The following ZDHHC23 variants were observed in gnomAD, a reference collection of about 807,000 sequenced individuals.
ZDHHC23 encodes zDHHC palmitoyltransferase 23.
Under a neutral mutation model 40.2 loss-of-function variants are expected in ZDHHC23, and 41 were observed. The observed-to-expected ratio is 1.02, with a 90% CI of 0.79 to 1.32. The LOEUF is 1.32. Among genes scored for constraint, ZDHHC23 ranks in the 40% most tolerant of loss-of-function variants. The pLI is 0.00. For synonymous variants in ZDHHC23, 204 were observed against 210.2 expected (o/e 0.97, Z 0.26); for missense variants, 471 against 541.5 (o/e 0.87, Z 1.29).
chr3:113,951,799 A>G lies in ZDHHC23; in HGVS notation c.162-1901A>G, dbSNP rs551489972. Among the ~76,000 whole-genome samples the G allele has an allele frequency of 2.0e-5, 3 of 152,182 alleles. No individual in the cohort carries two copies. In the East Asian group the frequency reaches 5.8e-4, roughly 29 times the overall value. On this transcript the variant is annotated intron_variant, in intron 2 of 4. Transcript: ENST00000638807. ...ATATAGACAGGCTGAGAATTTTCCA[A>G]ATCTTTGTTTTACTCCCCTTTTGAT... is the stretch of plus-strand genomic sequence containing the variant.
At position 113,960,019 on chromosome 3, in the gene ZDHHC23, A is replaced by T; in HGVS notation, c.*1389A>T. The T allele has an allele frequency of 4.0e-6, 4 of 992,386 alleles. No individual in the cohort carries two copies. The South Asian group carries it at 1.8e-4, about 45-fold the overall frequency. The allele number at this position is 992,386 out of a possible 1,614,324, so 61.5% of individuals were successfully genotyped here. On this transcript the variant is annotated 3_prime_UTR_variant, in exon 5 of 5. Coordinates refer to ENST00000638807, the MANE Select transcript of ZDHHC23 (RefSeq NM_001320466.2). ...TACCCTTTTGAAATGTTAGTTTTGA[A>T]CATGTACTGTTGTGCAATCCCAAAG... is the stretch of plus-strand genomic sequence containing the variant.
At position 113,948,869 on chromosome 3, in the gene ZDHHC23, C is replaced by T. The variant is rs139644588; in HGVS notation, c.67C>T (p.Leu23=). The change falls in exon 2 of 5, where the codon CTG becomes TTG. Residue 23 remains leucine (L), a synonymous_variant. Coordinates refer to ENST00000638807, the MANE Select transcript of ZDHHC23 (RefSeq NM_001320466.2). The stretch of plus-strand genomic sequence containing the variant: ...AACCGAAGAACCTGAATTGGAGCCC[C>T]TGTGCTGCTGCGAGTACATAGATCG... The part of the protein sequence containing the change: ...KKTEEPELEP[L]CCCEYIDRNG... The T allele has an allele frequency of 5.6e-6, 9 of 1,614,236 alleles. No individual in the cohort carries two copies. In the African/African-American group the frequency reaches 1.2e-4, roughly 22 times the overall value.
At position 113,958,602 on chromosome 3, in the gene ZDHHC23, T is replaced by A. The variant is rs1306823106; in HGVS notation, c.1280T>A (p.Phe427Tyr). Residue 427 changes from phenylalanine (F) to tyrosine (Y), a missense_variant, in exon 5 of 5, where the codon TTC becomes TAC. Coordinates refer to ENST00000638807, the MANE Select transcript of ZDHHC23 (RefSeq NM_001320466.2). ...HQFSTLGTRA[F>Y]HHPAEDIV Reference sequence around the variant, plus strand: ...TTCTCCACCCTGGGCACACGTGCATTCCACCACCCTGCCGAGGACATTGTC... The same window carrying A: ...TTCTCCACCCTGGGCACACGTGCATACCACCACCCTGCCGAGGACATTGTC... 6.2e-7 allele frequency: 1 copy of A among 1,602,888 alleles called. No homozygotes were observed. Among genetic ancestry groups the A allele is most frequent in the Admixed American group, 1.7e-5 (1 of 59,800 alleles).
intron 2 of ZDHHC23, among the ~76,000 whole-genome samples, chr3:113,949,325 G>T (rs574845186): frequency 6.6e-6 from 1 of 152,312 alleles, no homozygotes; most frequent in East Asian, 1.9e-4. Flanking sequence ...CCTTCTCAGA[G>T]GTCTCAGCAT....
Position 113,960,268 on chromosome 3 carries a change from G to A in ZDHHC23, c.*1638G>A, listed in dbSNP as rs1038726125. 1 of 1,018,528 alleles carries A rather than the reference G, an allele frequency of 9.8e-7. No individual in the cohort carries two copies. The highest frequency in any genetic ancestry group is 1.2e-6 in the Non-Finnish European group (1 of 851,180). 63.1% of individuals were successfully genotyped at this position (1,018,528 alleles called of 1,614,324 possible). A position where few individuals can be genotyped will look rare whatever the true frequency, so the allele number is the denominator to read the frequency against. ...AAGATGGTCACCATATTCTTATTCA[G>A]GCTGTTGTCATTTTCCCCAGAGATG... On this transcript the variant is annotated 3_prime_UTR_variant, in exon 5 of 5. Transcript: ENST00000638807.
intron 2 of ZDHHC23, among the ~76,000 whole-genome samples, chr3:113,950,437 A>T (rs543747564): frequency 3.3e-5 from 5 of 152,148 alleles, no homozygotes; most frequent in Non-Finnish European, 5.9e-5. Flanking sequence ...TTGGTGTGTC[A>T]TGACATGGCA....
rs575966812 is a variant in ZDHHC23 at position 113,958,673 on chromosome 3, T to C, written c.*43T>C. ...TCTCTGAGGGATGATGGCTCCTCCT[T>C]CCGTCTCCCTTCCATTTTACACTTC... On this transcript the variant is annotated 3_prime_UTR_variant, in exon 5 of 5. Transcript: ENST00000638807. The C allele has an allele frequency of 6.3e-7, 1 of 1,593,752 alleles. No homozygotes were observed. Among genetic ancestry groups the C allele is most frequent in the South Asian group, 1.1e-5 (1 of 89,628 alleles).
At chr3:113,968,483 C>G (rs1940451137), downstream of ZDHHC23, among the ~76,000 whole-genome samples, 1 of 151,744 alleles carries the variant, frequency 6.6e-6, no homozygotes, top group Admixed American at 6.6e-5. Context: ...GGGCGTCACT[C>G]TGTCGCCCAG....
At chr3:113,951,779 G>A (rs1395279507) in intron 2 of ZDHHC23, among the ~76,000 whole-genome samples, 1 of 152,200 alleles carries the variant, frequency 6.6e-6, no homozygotes, top group Non-Finnish European at 1.5e-5. Context: ...TTACAATATA[G>A]ACAGGCTGAG....
intron 2 of ZDHHC23, among the ~76,000 whole-genome samples, chr3:113,950,509 G>A (rs562140886): frequency 4.5e-4 from 69 of 152,228 alleles, no homozygotes; most frequent in African/African-American, 1.6e-3. Context: ...CATGAGGGCT[G>A]TGCCTTCATG....
chr3:113,974,952 G>A, the ZDHHC23 span, among the ~76,000 whole-genome samples: 1 of 152,018 alleles, frequency 6.6e-6, no homozygotes, highest in East Asian at 1.9e-4. Flanking sequence ...TTTATGCTTG[G>A]TAAATATGTC....
downstream of ZDHHC23, among the ~76,000 whole-genome samples, chr3:113,969,014 T>C (rs1013221026): frequency 2.6e-5 from 4 of 152,144 alleles, no homozygotes; most frequent in Non-Finnish European, 5.9e-5. Flanking sequence ...GGAGCTATCA[T>C]GTGCAGAGAT....
At chr3:113,956,234 A>G (rs1250305301) in intron 3 of ZDHHC23, 105 bp from the exon 4 acceptor site, 1 of 1,287,706 alleles carries the variant, frequency 7.8e-7, no homozygotes, top group African/African-American at 1.5e-5. Flanking sequence ...ACTACAGAGC[A>G]AGACTCCGTC....
rs1938260348 is a variant in ZDHHC23, at chr3:113,948,138, C to T, written c.-170C>T. On this transcript the variant is annotated 5_prime_UTR_variant, in exon 1 of 5. Coordinates refer to ENST00000638807, the MANE Select transcript of ZDHHC23 (RefSeq NM_001320466.2). The stretch of plus-strand genomic sequence containing the variant: ...GCGTCTGTGCCTCCGGGGAAGCCGA[C>T]CCATCTCCCCTCCGCCTCTTTGGCT... 6.6e-6 allele frequency: 1 copy of T among 152,276 alleles called. No homozygotes were observed. The highest frequency in any genetic ancestry group is 2.4e-5 in the African/African-American group (1 of 41,448). 9.4% of individuals were successfully genotyped at this position (152,276 alleles called of 1,614,324 possible). A position where few individuals can be genotyped will look rare whatever the true frequency, so the allele number is the denominator to read the frequency against.
chr3:113,956,628 C>T, intron 4 of ZDHHC23, 122 bp downstream of exon 4: 1 of 1,018,630 alleles, frequency 9.8e-7, no homozygotes, highest in Middle Eastern at 2.8e-4. Flanking sequence ...TATGGAAATG[C>T]TGGGTATCCC....
the ZDHHC23 span, among the ~76,000 whole-genome samples, chr3:113,973,596 G>GTTTTTTTTTTT: frequency 1.4e-5 from 2 of 145,566 alleles, no homozygotes; most frequent in Non-Finnish European, 1.5e-5. Context: ...TGGATGGCAG[G>GTTTTTTTTTTT]TTTTTTTTTT....
the ZDHHC23 span, chr3:113,978,823 A>C: frequency 6.3e-7 from 1 of 1,590,708 alleles, no homozygotes; most frequent in South Asian, 1.1e-5. Context: ...TTGAGCAATG[A>C]GATGTATTTA....
At chr3:113,978,093 A>T in the ZDHHC23 span, 2 of 1,419,912 alleles carry the variant, frequency 1.4e-6, no homozygotes, top group Non-Finnish European at 2.0e-6. Flanking sequence ...CCTAGCCTCC[A>T]GCTCATCTCT....
intron 3 of ZDHHC23, 59 bp downstream of exon 3, chr3:113,954,469 A>G: frequency 2.1e-6 from 3 of 1,439,304 alleles, no homozygotes; most frequent in Non-Finnish European, 2.8e-6. Context: ...CTCTAGTTAC[A>G]TTTTATCTTC....
Sources: allele counts gnomAD v4.1 joint callset (sites outside exome capture counted in the v4.1 genomes callset), GRCh38; gene constraint gnomAD v4.1.1; transcripts MANE v1.5; gene names NCBI Gene and HGNC (gene_info 2026-07-23, HGNC 2026-07-21).